The following WNT3 variants were observed in gnomAD, a reference collection of about 807,000 sequenced individuals.
WNT3 encodes the protein proto-oncogene Wnt-3.
In WNT3, 7 loss-of-function variants were observed where a neutral mutation model predicts 34.2. The observed-to-expected ratio is 0.20, with a 90% CI of 0.12 to 0.38. The LOEUF (loss-of-function observed/expected upper bound fraction) is 0.38, where lower values mean the gene tolerates loss of function less well. Ranked by LOEUF, WNT3 falls within the 10% of genes least tolerant of loss-of-function variation. WNT3 has a pLI of 1.00. For missense variants in WNT3, 267 were observed against 499.8 expected, an observed-to-expected ratio of 0.53 and a Z score of 4.44; for synonymous variants, 212 against 211.5, an observed-to-expected ratio of 1.00 and a Z score of -0.02.
intron 1 of WNT3, among the ~76,000 whole-genome samples, chr17:46,783,483 C>T (rs550372194): frequency 2.0e-5 from 3 of 152,350 alleles, no homozygotes; most frequent in African/African-American, 7.2e-5. Flanking sequence ...ACCTGAGGAG[C>T]ACCCAGCCCA....
In WNT3 at chr17:46,768,630, C is replaced by A. The variant is rs1444493326; in HGVS notation, c.758G>T (p.Arg253Leu). 6.2e-7 allele frequency: 1 copy of A among 1,614,038 alleles called. No individual in the cohort carries two copies. Among genetic ancestry groups the A allele is most frequent in the Non-Finnish European group, 8.5e-7 (1 of 1,180,030 alleles). ...GGCCCGGAGGGTCTCCACCCAGCCT[C>A]GGGACTCACGGTGCTTCTCTACTAC... ...EMVVEKHRES[R>L]GWVETLRAKY... is the part of the protein sequence containing the mutation. Residue 253 changes from arginine to leucine, a missense_variant, in exon 4 of 5, where the codon CGA becomes CTA. Arg to Leu is a moderately radical substitution (Grantham distance 102, BLOSUM62 -2). Around this residue, in one of 3 missense-constraint regions of WNT3, gnomAD observed 181 missense variants for 391.3 expected, o/e 0.46. Coordinates refer to ENST00000225512, the MANE Select transcript of WNT3 (RefSeq NM_030753.5). The surrounding 1 kb of genome is among the most constrained non-coding windows in gnomAD (Gnocchi z 5.0).
chr17:46,793,419 C>A lies in WNT3; in HGVS notation c.81-19510G>T, dbSNP rs373534125. Among the ~76,000 whole-genome samples, 4 of 151,788 alleles carry A rather than the reference C, an allele frequency of 2.6e-5. No individual in the cohort carries two copies. The South Asian group carries it at 8.3e-4, about 32-fold the overall frequency. ...CTGCTCCGGCCGCTGTTGGGGTTAA[C>A]ATCCCTGTAAATTCAAATGCTGGGC... On this transcript the variant is annotated intron_variant, in intron 1 of 4. Transcript: ENST00000225512.
chr17:46,784,214 G>T (rs1434871416), intron 1 of WNT3, among the ~76,000 whole-genome samples: 2 of 152,210 alleles, frequency 1.3e-5, no homozygotes, highest in Admixed American at 1.3e-4. Context: ...AAGGAGGAAA[G>T]TATGGCCAAA....
intron 4 of WNT3, among the ~76,000 whole-genome samples, chr17:46,765,529 C>A (rs1945845972): frequency 6.6e-6 from 1 of 152,248 alleles, no homozygotes; most frequent in South Asian, 2.1e-4. Context: ...CCGGGGCCTG[C>A]TCTGCGACTC....
intron 4 of WNT3, among the ~76,000 whole-genome samples, chr17:46,767,593 C>G (rs532057177): frequency 6.6e-6 from 1 of 152,296 alleles, no homozygotes; most frequent in Admixed American, 6.5e-5. Context: ...AGTGAAAGAA[C>G]AGGAAGTTAC....
chr17:46,798,447 T>C (rs1306811198), intron 1 of WNT3, among the ~76,000 whole-genome samples: 1 of 152,220 alleles, frequency 6.6e-6, no homozygotes, highest in Non-Finnish European at 1.5e-5. Flanking sequence ...TATTATGTAA[T>C]AAAAATATTT....
At chr17:46,800,865 C>T (rs760306459) in intron 1 of WNT3, among the ~76,000 whole-genome samples, 9 of 152,084 alleles carry the variant, frequency 5.9e-5, no homozygotes, top group South Asian at 2.1e-4. Context: ...GGGAAGGCTG[C>T]GCAGAGGAAG....
At chr17:46,816,121 A>ACACACACACACGCACGCG (rs778383721) in intron 1 of WNT3, among the ~76,000 whole-genome samples, 1 of 150,896 alleles carries the variant, frequency 6.6e-6, no homozygotes, top group South Asian at 2.1e-4. Flanking sequence ...GTACACACAC[A>ACACACACACACGCACGCG]CACACACACT....
At chr17:46,793,580 G>A (rs2084016320) in intron 1 of WNT3, among the ~76,000 whole-genome samples, 1 of 152,194 alleles carries the variant, frequency 6.6e-6, no homozygotes, top group Non-Finnish European at 1.5e-5. Flanking sequence ...CGACCTGAGG[G>A]CTGGAGGCAT....
At chr17:46,795,257 G>A (rs565668619) in intron 1 of WNT3, among the ~76,000 whole-genome samples, 15 of 152,206 alleles carry the variant, frequency 9.9e-5, no homozygotes, top group Non-Finnish European at 5.9e-5. Context: ...CCACACCAGC[G>A]CATTCAGCCC....
At chr17:46,795,238 C>T (rs2084038075) in intron 1 of WNT3, among the ~76,000 whole-genome samples, 1 of 152,172 alleles carries the variant, frequency 6.6e-6, no homozygotes, top group South Asian at 2.1e-4. Context: ...GCATCCGAAA[C>T]CTCCTACCCC....
chr17:46,782,241 A>C (rs1211741500), intron 1 of WNT3, among the ~76,000 whole-genome samples: 1 of 152,216 alleles, frequency 6.6e-6, no homozygotes, highest in Non-Finnish European at 1.5e-5. Flanking sequence ...TAAGACTCTG[A>C]TCTGAAGATC....
In WNT3 at chr17:46,768,240, G is replaced by A. The variant is rs2146370743; in HGVS notation, c.*8+72C>T. The A allele has an allele frequency of 5.0e-6, 8 of 1,600,416 alleles. No individual in the cohort carries two copies. In the South Asian group the frequency reaches 5.5e-5, roughly 11 times the overall value. The stretch of plus-strand genomic sequence containing the variant: ...AGAAACAGAAGGGGGTCGTCAAGAA[G>A]ACGAGATGGGCAAACAACCCCATTC... On this transcript the variant is annotated intron_variant, in intron 4 of 4. Transcript: ENST00000225512. This position sits in a 1 kb window ranked among gnomAD's most constrained non-coding sequence, Gnocchi z 5.0.
intron 1 of WNT3, among the ~76,000 whole-genome samples, chr17:46,795,904 GCA>G (rs1260375628): frequency 6.6e-6 from 1 of 151,928 alleles, no homozygotes; most frequent in Non-Finnish European, 1.5e-5. Context: ...ATGCATGCAC[GCA>G]CACACACGTG....
Position 46,765,024 on chromosome 17 carries a change from A to G in WNT3, c.*9-403T>C, listed in dbSNP as rs77790426. On this transcript the variant is annotated intron_variant, in intron 4 of 4. Coordinates refer to ENST00000225512, the MANE Select transcript of WNT3 (RefSeq NM_030753.5). ...TGCACTGTGTTTTTGTACCGCACCA[A>G]ATAGCTTGATAATGAGCTGTCCAAA... Among the ~76,000 whole-genome samples, 135 of 152,358 alleles carry G rather than the reference A, an allele frequency of 8.9e-4. 1 individual carries two copies. Among genetic ancestry groups the G allele is most frequent in the African/African-American group, 3.0e-3 (125 of 41,592 alleles).
At chr17:46,805,001 G>T (rs2084176327) in intron 1 of WNT3, among the ~76,000 whole-genome samples, 1 of 143,738 alleles carries the variant, frequency 7.0e-6, no homozygotes, top group African/African-American at 2.6e-5. Context: ...TTGCTCTTCA[G>T]GATAACTCTT....
intron 1 of WNT3, among the ~76,000 whole-genome samples, chr17:46,777,976 C>G (rs2059425844): frequency 6.6e-6 from 1 of 152,222 alleles, no homozygotes; most frequent in African/African-American, 2.4e-5. Context: ...TCTACCACTT[C>G]CTAGCTGCTG....
intron 1 of WNT3, among the ~76,000 whole-genome samples, chr17:46,785,255 C>A (rs866536352): frequency 6.6e-6 from 1 of 152,212 alleles, no homozygotes; most frequent in Non-Finnish European, 1.5e-5. Context: ...CTATCCCTCA[C>A]GTTGCCTCGG....
intron 1 of WNT3, among the ~76,000 whole-genome samples, chr17:46,801,597 G>A (rs2084126347): frequency 6.6e-6 from 1 of 152,132 alleles, no homozygotes; most frequent in Admixed American, 6.6e-5. Flanking sequence ...TCCACTCTGG[G>A]CAACAGAGCG....
Sources: allele counts gnomAD v4.1 joint callset (sites outside exome capture counted in the v4.1 genomes callset), GRCh38; gene constraint gnomAD v4.1.1; regional missense constraint gnomAD v4.1.1; non-coding constraint Gnocchi (gnomAD v3.1); transcripts MANE v1.5; gene names NCBI Gene and HGNC (gene_info 2026-07-23, HGNC 2026-07-21).